The following MBD5 variants were observed in gnomAD, a reference collection of about 807,000 sequenced individuals.
MBD5 encodes the protein methyl-CpG binding domain protein 5, also known as methyl-CpG-binding domain protein 5.
MBD5 carries 13 observed loss-of-function variants against 117.3 expected under a neutral mutation model. That is an observed-to-expected ratio of 0.11 (90% CI 0.07 to 0.18). The LOEUF is 0.18. Among genes scored for constraint, MBD5 ranks in the 10% least tolerant of loss-of-function variants. MBD5 has a pLI of 1.00. For missense variants in MBD5, 1,879 were observed against 2,093.8 expected, an observed-to-expected ratio of 0.90 and a Z score of 2.00; for synonymous variants, 727 against 766.4, an observed-to-expected ratio of 0.95 and a Z score of 0.85.
chr2:148,364,488 A>G (rs1418693252), intron 4 of MBD5, among the ~76,000 whole-genome samples: 2 of 152,218 alleles, frequency 1.3e-5, no homozygotes, highest in South Asian at 2.1e-4. Flanking sequence ...AAATTCACAC[A>G]TAACAGTATT....
chr2:148,307,295 A>G (rs543927193), intron 3 of MBD5, among the ~76,000 whole-genome samples: 6 of 152,286 alleles, frequency 3.9e-5, no homozygotes, highest in Non-Finnish European at 5.9e-5. Flanking sequence ...AGAAAACCCA[A>G]TTGTAGCTTT....
At chr2:148,104,396 AT>A (rs1185866844) in intron 1 of MBD5, among the ~76,000 whole-genome samples, 1 of 152,190 alleles carries the variant, frequency 6.6e-6, no homozygotes, top group Non-Finnish European at 1.5e-5. Context: ...AAAGGCCTGA[AT>A]TTGTTACCCA....
chr2:148,489,141 G>C (rs577573716), intron 10 of MBD5, among the ~76,000 whole-genome samples: 1 of 152,080 alleles, frequency 6.6e-6, no homozygotes, highest in East Asian at 1.9e-4. Flanking sequence ...AGAATGTTTC[G>C]CAGTGATGAT....
intron 3 of MBD5, among the ~76,000 whole-genome samples, chr2:148,265,964 G>C (rs2106321910): frequency 6.6e-6 from 1 of 152,156 alleles, no homozygotes; most frequent in East Asian, 1.9e-4. Flanking sequence ...GAAAAGAATG[G>C]GAGGATTAAG....
At chr2:148,309,784 G>T (rs1701984775) in intron 3 of MBD5, among the ~76,000 whole-genome samples, 1 of 152,114 alleles carries the variant, frequency 6.6e-6, no homozygotes, top group Non-Finnish European at 1.5e-5. Context: ...GTATGATATT[G>T]GCTGTAGGTT....
intron 5 of MBD5, among the ~76,000 whole-genome samples, chr2:148,461,962 T>TCC (rs1707096119): frequency 2.0e-5 from 3 of 151,524 alleles, no homozygotes; most frequent in Admixed American, 2.0e-4. Flanking sequence ...GCTTAATTCC[T>TCC]CTCTCTCTCT....
At chr2:148,286,165 G>A (rs569632808) in intron 3 of MBD5, among the ~76,000 whole-genome samples, 2 of 152,196 alleles carry the variant, frequency 1.3e-5, no homozygotes, top group East Asian at 3.9e-4. Context: ...TTGTCGTAAA[G>A]CTTTTTTTCC....
intron 3 of MBD5, among the ~76,000 whole-genome samples, chr2:148,332,455 C>T (rs144233638): frequency 1.1e-3 from 168 of 152,238 alleles, no homozygotes; most frequent in Non-Finnish European, 1.9e-3. Flanking sequence ...CTTCTTTCTG[C>T]CCCTGTTTTG....
At chr2:148,027,886 A>G (rs1189995880) in intron 1 of MBD5, 1 of 152,140 alleles carries the variant, frequency 6.6e-6, no homozygotes, top group East Asian at 1.9e-4. Flanking sequence ...TAATCCGAAT[A>G]ATCAGTAGTG....
At chr2:148,311,302 A>G (rs1294333586) in intron 3 of MBD5, among the ~76,000 whole-genome samples, 1 of 152,194 alleles carries the variant, frequency 6.6e-6, no homozygotes, top group Non-Finnish European at 1.5e-5. Flanking sequence ...TAGGTCTCTA[A>G]GAACTTGCAT....
intron 1 of MBD5, among the ~76,000 whole-genome samples, chr2:148,085,803 C>T (rs13015552): frequency 0.31 from 47,516 of 152,072 alleles, 8,461 homozygotes; most frequent in East Asian, 0.46. Flanking sequence ...CATATAAAGA[C>T]ACTGAGAGAA....
chr2:148,492,220 G>A (rs1574487839), intron 11 of MBD5, among the ~76,000 whole-genome samples: 1 of 150,480 alleles, frequency 6.6e-6, no homozygotes, highest in Admixed American at 6.6e-5. Flanking sequence ...ACTTAAATAA[G>A]CAAAGTAGTA....
At chr2:148,504,408 G>A (rs942261635) in intron 12 of MBD5, among the ~76,000 whole-genome samples, 11 of 152,106 alleles carry the variant, frequency 7.2e-5, no homozygotes, top group African/African-American at 1.7e-4. Context: ...TTGCAGATGC[G>A]GACACTCAGA....
intron 1 of MBD5, among the ~76,000 whole-genome samples, chr2:148,151,372 A>G (rs749355103): frequency 5.9e-5 from 9 of 151,946 alleles, no homozygotes; most frequent in African/African-American, 9.7e-5. Flanking sequence ...TTTTGCATCA[A>G]TGTTCATCAA....
chr2:148,341,704 A>G (rs987057689), intron 3 of MBD5, among the ~76,000 whole-genome samples: 8 of 151,974 alleles, frequency 5.3e-5, no homozygotes, highest in African/African-American at 1.9e-4. Flanking sequence ...AAGTTAGACT[A>G]TTTAATATTA....
chr2:148,507,733 C>A (rs992009708), intron 12 of MBD5, among the ~76,000 whole-genome samples: 5 of 149,478 alleles, frequency 3.3e-5, no homozygotes, highest in Admixed American at 3.3e-4. Context: ...GCACTCCAGC[C>A]TGGGCGACAG....
At chr2:148,253,196 T>C (rs1014464875) in intron 3 of MBD5, among the ~76,000 whole-genome samples, 3 of 152,212 alleles carry the variant, frequency 2.0e-5, no homozygotes, top group African/African-American at 7.2e-5. Context: ...CACCATCATC[T>C]TCACTACAGA....
intron 1 of MBD5, chr2:148,026,745 A>C (rs1030939213): frequency 1.3e-5 from 2 of 152,154 alleles, no homozygotes; most frequent in African/African-American, 4.8e-5. Flanking sequence ...CAATGTAGTG[A>C]GATCTGATCC....
chr2:148,056,045 C>T (rs1037941728), intron 1 of MBD5: 4 of 152,110 alleles, frequency 2.6e-5, no homozygotes, highest in Admixed American at 6.5e-5. Flanking sequence ...TGGAATACCT[C>T]TCCTTATATT....
Sources: gnomAD v4.1 joint callset for allele counts (sites outside exome capture counted in the v4.1 genomes callset) on GRCh38, gnomAD v4.1.1 for gene constraint, MANE v1.5 for transcripts, NCBI Gene and HGNC (gene_info 2026-07-23, HGNC 2026-07-21) for gene names.